The following ZNF879 variants were observed in gnomAD, a reference collection of about 807,000 sequenced individuals.
The protein encoded by ZNF879 is zinc finger protein 879.
Under a neutral mutation model 44.3 loss-of-function variants are expected in ZNF879, and 32 were observed. The observed-to-expected ratio is 0.72, with a 90% CI of 0.54 to 0.97. The LOEUF (loss-of-function observed/expected upper bound fraction) is 0.97. ZNF879 is among the 50% of genes least tolerant of loss of function. The pLI is 0.00. For missense variants in ZNF879, 621 were observed against 669.7 expected, an observed-to-expected ratio of 0.93 and a Z score of 0.80; for synonymous variants, 234 against 233.2, an observed-to-expected ratio of 1.00 and a Z score of -0.03.
chr5:179,032,538 TCAACA>T lies in ZNF879; in HGVS notation c.593_597del (p.Asn198SerfsTer3), dbSNP rs1561736988. The T allele has an allele frequency of 1.3e-6, 2 of 1,551,628 alleles. No individual in the cohort carries two copies. Among genetic ancestry groups the T allele is most frequent in the Non-Finnish European group, 1.7e-6 (2 of 1,147,000 alleles). ...TCAGTTCTCTTTAAACAACTGGGGGTCAACACAGTGCGTAAATGTTATAAATGTAA... is the reference window on the plus strand; with the variant it reads ...TCAGTTCTCTTTAAACAACTGGGGGTCAGTGCGTAAATGTTATAAATGTAA... On this transcript the variant is annotated frameshift_variant, in exon 5 of 5. Transcript: ENST00000444149. LOFTEE classifies it high-confidence loss of function.
chr5:179,028,218 G>C, intron 4 of ZNF879, 91 bp downstream of exon 4: 1 of 1,125,354 alleles, frequency 8.9e-7, no homozygotes, highest in Non-Finnish European at 1.3e-6. Flanking sequence ...TCCTTGATGT[G>C]CCAGGCCAGG....
At position 179,025,035 on chromosome 5, in the gene ZNF879, C is replaced by G; in HGVS notation, c.31C>G (p.Gln11Glu). 1 of 1,551,532 alleles carries G rather than the reference C, an allele frequency of 6.4e-7. No individual in the cohort carries two copies. Among genetic ancestry groups the G allele is most frequent in the Non-Finnish European group, 8.7e-7 (1 of 1,146,884 alleles). The change falls in exon 2 of 5, where the codon CAG (glutamine) becomes GAG (glutamate). Residue 11 changes from glutamine to glutamate, a missense_variant and splice_region_variant. By Grantham distance (29) the Gln-to-Glu change is conservative. Coordinates refer to ENST00000444149, the MANE Select transcript of ZNF879 (RefSeq NM_001136116.3). MARRLLPAHV[Q>E]ESVTFRDVAV... ...AAGGAGGTTGCTGCCAGCCCATGTACAGGTGAGTGAAGGCTTCTTTTTGCT... is the reference window on the plus strand; with the variant it reads ...AAGGAGGTTGCTGCCAGCCCATGTAGAGGTGAGTGAAGGCTTCTTTTTGCT...
rs1055524696 is a variant in ZNF879 at position 179,033,395 on chromosome 5, C to T, written c.1447C>T (p.Pro483Ser). 8.3e-6 allele frequency: 13 copies of T among 1,557,804 alleles called. No individual in the cohort carries two copies. In the African/African-American group the frequency reaches 1.8e-4, roughly 21 times the overall value. Reference sequence around the variant, plus strand: ...TCGAAAAATTCATACTGGAGAAAAACCTTATAAATGTAATGACTGTGAGAA... The same window carrying T: ...TCGAAAAATTCATACTGGAGAAAAATCTTATAAATGTAATGACTGTGAGAA... ...THRKIHTGEK[P>S]YKCNDCEKAF... Residue 483 changes from proline (P) to serine (S), a missense_variant, in exon 5 of 5, where the codon CCT becomes TCT. Coordinates refer to ENST00000444149, the MANE Select transcript of ZNF879 (RefSeq NM_001136116.3).
At chr5:179,027,930 C>G (rs1165337950) in intron 3 of ZNF879, 102 bp from the exon 4 acceptor site, 2 of 1,066,108 alleles carry the variant, frequency 1.9e-6, no homozygotes, top group Non-Finnish European at 2.8e-6. Flanking sequence ...CCTCTCAGAA[C>G]AAACCTCCTC....
intron 4 of ZNF879, among the ~76,000 whole-genome samples, chr5:179,031,247 T>C (rs1187599776): frequency 6.6e-6 from 1 of 152,212 alleles, no homozygotes; most frequent in Non-Finnish European, 1.5e-5. Flanking sequence ...TCAGTGATGC[T>C]GATGAACTTC....
At chr5:179,029,656 TAGG>T (rs1032966563) in intron 4 of ZNF879, among the ~76,000 whole-genome samples, 5 of 152,294 alleles carry the variant, frequency 3.3e-5, no homozygotes, top group South Asian at 2.1e-4. Flanking sequence ...GTTGTAAAAA[TAGG>T]AGCAAAAAAA....
chr5:179,026,894 A>G (rs1168456632), intron 2 of ZNF879, among the ~76,000 whole-genome samples: 1 of 152,178 alleles, frequency 6.6e-6, no homozygotes, highest in Non-Finnish European at 1.5e-5. Context: ...TGGGGTGGGG[A>G]GGGAGACTAC....
At position 179,032,277 on chromosome 5, in the gene ZNF879, A is replaced by G. The variant is rs1466347533; in HGVS notation, c.329A>G (p.Asp110Gly). Residue 110 changes from aspartate to glycine, a missense_variant, in exon 5 of 5, where the codon GAT (aspartate) becomes GGT (glycine). By Grantham distance (94) the Asp-to-Gly change is moderately conservative (BLOSUM62 -1). Transcript: ENST00000444149. ...GAAGTCATGAAAAAACTCATAATTG[A>G]TGGCACATTTGACTTCAAGTTGGAG... Reference protein sequence around the residue: ...NQEVMKKLIIDGTFDFKLEKT... With the variant: ...NQEVMKKLIIGGTFDFKLEKT... The G allele has an allele frequency of 5.2e-6, 8 of 1,540,674 alleles. No homozygotes were observed. In the East Asian group the frequency reaches 7.3e-5, roughly 14 times the overall value.
At chr5:179,026,083 CAA>C (rs1337124096) in intron 2 of ZNF879, among the ~76,000 whole-genome samples, 16 of 58,078 alleles carry the variant, frequency 2.8e-4, no homozygotes, top group African/African-American at 5.0e-4. Context: ...GACTCCATCT[CAA>C]AAAAAAAAAA....
chr5:179,027,704 A>C lies in ZNF879; in HGVS notation c.160+105A>C, dbSNP rs959404574. The C allele has an allele frequency of 6.3e-6, 9 of 1,439,976 alleles. No homozygotes were observed. In the Admixed American group the frequency reaches 9.0e-5, roughly 14 times the overall value. The allele number at this position is 1,439,976 out of a possible 1,614,324, so 89.2% of individuals were successfully genotyped here. ...CCAGGTCGGCTCACAGGTGGGCTCCAAGAGTGGCCATTGCCATTCCCCTTG... is the reference window on the plus strand; with the variant it reads ...CCAGGTCGGCTCACAGGTGGGCTCCCAGAGTGGCCATTGCCATTCCCCTTG... On this transcript the variant is annotated intron_variant, in intron 3 of 4. Coordinates refer to ENST00000444149, the MANE Select transcript of ZNF879 (RefSeq NM_001136116.3).
intron 2 of ZNF879, among the ~76,000 whole-genome samples, chr5:179,026,779 G>C (rs760407184): frequency 2.2e-4 from 33 of 152,208 alleles, no homozygotes; most frequent in Non-Finnish European, 1.6e-4. Context: ...GTAAGCCACT[G>C]TGCCCAGCCA....
At position 179,034,838 on chromosome 5, in the gene ZNF879, AG is replaced by A. The variant is rs908006768; in HGVS notation, c.*1203del. Reference sequence around the variant, plus strand: ...ATCTAGTTTAGCCAAGTTTATCAGGAGGGGGCAAGCACTTAAGGGCTGAAAC... The same window carrying A: ...ATCTAGTTTAGCCAAGTTTATCAGGAGGGGCAAGCACTTAAGGGCTGAAAC... On this transcript the variant is annotated 3_prime_UTR_variant, in exon 5 of 5. Coordinates refer to ENST00000444149, the MANE Select transcript of ZNF879 (RefSeq NM_001136116.3). The A allele has an allele frequency of 1.3e-5, 2 of 152,132 alleles. No homozygotes were observed. Among genetic ancestry groups the A allele is most frequent in the Admixed American group, 1.3e-4 (2 of 15,262 alleles). The allele number at this position is 152,132 out of a possible 1,614,324, so 9.4% of individuals were successfully genotyped here. A position where few individuals can be genotyped will look rare whatever the true frequency, so the allele number is the denominator to read the frequency against.
chr5:179,027,621 G>A, intron 3 of ZNF879, 22 bp downstream of exon 3: 1 of 1,612,470 alleles, frequency 6.2e-7, no homozygotes, highest in Non-Finnish European at 8.5e-7. Flanking sequence ...TCCTCCTGAT[G>A]CAGAATCTGC....
At chr5:179,024,111 T>C (rs1378707944) in intron 1 of ZNF879, among the ~76,000 whole-genome samples, 1 of 152,154 alleles carries the variant, frequency 6.6e-6, no homozygotes, top group Non-Finnish European at 1.5e-5. Flanking sequence ...GCCGCTGGAC[T>C]CCTGGGCCGC....
intron 2 of ZNF879, among the ~76,000 whole-genome samples, chr5:179,026,117 T>G (rs1376594649): frequency 1.4e-5 from 2 of 144,258 alleles, no homozygotes; most frequent in Non-Finnish European, 3.0e-5. Context: ...GAAAGAAAAA[T>G]ATGTCTGAAG....
At chr5:179,028,895 G>A (rs560889396) in intron 4 of ZNF879, among the ~76,000 whole-genome samples, 12 of 152,270 alleles carry the variant, frequency 7.9e-5, no homozygotes, top group African/African-American at 2.9e-4. Context: ...CCTGGGCAGG[G>A]CGTGGGCTTT....
At position 179,033,721 on chromosome 5, in the gene ZNF879, A is replaced by T; in HGVS notation, c.*81A>T. On this transcript the variant is annotated 3_prime_UTR_variant, in exon 5 of 5. Coordinates refer to ENST00000444149, the MANE Select transcript of ZNF879 (RefSeq NM_001136116.3). ...AAAAATTCATTGTGGGGAGAAAGTG[A>T]TGAAGAGTAGTTAATCATAGGTAAA... 1 of 1,078,338 alleles carries T rather than the reference A, an allele frequency of 9.3e-7. No homozygotes were observed. Among genetic ancestry groups the T allele is most frequent in the South Asian group, 1.8e-5 (1 of 55,744 alleles). The allele number at this position is 1,078,338 out of a possible 1,614,324, so 66.8% of individuals were successfully genotyped here.
chr5:179,034,605 C>G lies in ZNF879; in HGVS notation c.*965C>G, dbSNP rs1012254612. 2 of 152,194 alleles carry G rather than the reference C, an allele frequency of 1.3e-5. No homozygotes were observed. Among genetic ancestry groups the G allele is most frequent in the African/African-American group, 4.8e-5 (2 of 41,440 alleles). 9.4% of individuals were successfully genotyped at this position (152,194 alleles called of 1,614,324 possible). On this transcript the variant is annotated 3_prime_UTR_variant, in exon 5 of 5. Coordinates refer to ENST00000444149, the MANE Select transcript of ZNF879 (RefSeq NM_001136116.3). ...CTTCCACTTTTTCGCCTTCATCAGA[C>G]AAGGTTCACTTTCTCCCCACACTCT...
rs1258177753 is a variant in ZNF879, at chr5:179,031,339, G to C, written c.257-866G>C. Among the ~76,000 whole-genome samples, 6 of 152,098 alleles carry C rather than the reference G, an allele frequency of 3.9e-5. No homozygotes were observed. The East Asian group carries it at 5.8e-4, about 15-fold the overall frequency. Reference sequence around the variant, plus strand: ...TCCTCATCTGTGACACTCTCTTCTTGTTCACTCTGCTTCAGCTATCATGGA... The same window carrying C: ...TCCTCATCTGTGACACTCTCTTCTTCTTCACTCTGCTTCAGCTATCATGGA... On this transcript the variant is annotated intron_variant, in intron 4 of 4. Transcript: ENST00000444149.
Sources: gnomAD v4.1 joint callset for allele counts (sites outside exome capture counted in the v4.1 genomes callset) on GRCh38, gnomAD v4.1.1 for gene constraint, MANE v1.5 for transcripts, NCBI Gene and HGNC (gene_info 2026-07-23, HGNC 2026-07-21) for gene names.